The following ATP11B variants were observed in gnomAD, a reference collection of about 807,000 sequenced individuals.
ATP11B encodes the protein phospholipid-transporting ATPase IF.
Under a neutral mutation model 157.8 loss-of-function variants are expected in ATP11B, and 81 were observed. That is an observed-to-expected ratio of 0.51 (90% CI 0.43 to 0.62). The LOEUF is 0.62. Among genes scored for constraint, ATP11B ranks in the 20% least tolerant of loss-of-function variants. The probability of loss-of-function intolerance (pLI) is 0.00; values close to 1 mark genes in which losing one functional copy is unlikely to be tolerated. For synonymous variants in ATP11B, 451 were observed against 469.4 expected (o/e 0.96, Z 0.51); for missense variants, 1,165 against 1,402.2 (o/e 0.83, Z 2.70).
intron 24 of ATP11B, 120 bp from the exon 25 acceptor site, chr3:182,889,290 T>C: frequency 1.4e-6 from 1 of 723,448 alleles, no homozygotes; most frequent in Non-Finnish European, 2.1e-6. Context: ...GTGCTAATAT[T>C]TTCAAGCAAT....
At chr3:182,903,719 GT>G (rs1349465223) in intron 28 of ATP11B, among the ~76,000 whole-genome samples, 3 of 152,132 alleles carry the variant, frequency 2.0e-5, no homozygotes, top group African/African-American at 7.2e-5. Context: ...CCAAATATGT[GT>G]ATCACAATTT....
intron 28 of ATP11B, among the ~76,000 whole-genome samples, chr3:182,911,899 G>A (rs536893976): frequency 4.6e-5 from 7 of 152,316 alleles, no homozygotes; most frequent in South Asian, 2.1e-4. Flanking sequence ...TAAGCTGAAC[G>A]CTGATGTAGG....
intron 28 of ATP11B, among the ~76,000 whole-genome samples, chr3:182,912,985 A>G (rs1025120741): frequency 6.6e-6 from 1 of 152,212 alleles, no homozygotes; most frequent in African/African-American, 2.4e-5. Flanking sequence ...TCATCGAGCT[A>G]CGTGGTCATA....
intron 1 of ATP11B, among the ~76,000 whole-genome samples, chr3:182,804,240 T>C (rs1716182397): frequency 6.6e-6 from 1 of 151,112 alleles, no homozygotes; most frequent in African/African-American, 2.4e-5. Context: ...TTAGATTTCT[T>C]TTTTTTTTCT....
At chr3:182,867,648 A>G (rs552296830) in intron 15 of ATP11B, among the ~76,000 whole-genome samples, 16 of 146,382 alleles carry the variant, frequency 1.1e-4, no homozygotes, top group Non-Finnish European at 2.1e-4. Flanking sequence ...CAGTGGCACA[A>G]TCTTGGCTCA....
At chr3:182,831,440 C>G (rs1718132635) in intron 4 of ATP11B, among the ~76,000 whole-genome samples, 1 of 152,144 alleles carries the variant, frequency 6.6e-6, no homozygotes, top group Non-Finnish European at 1.5e-5. Flanking sequence ...AAAATCAGAT[C>G]ACACTACCCT....
At chr3:182,814,875 A>C (rs1328627260) in intron 1 of ATP11B, among the ~76,000 whole-genome samples, 1 of 152,166 alleles carries the variant, frequency 6.6e-6, no homozygotes, top group Admixed American at 6.5e-5. Flanking sequence ...AGTGTAATGA[A>C]ATCTATACTG....
chr3:182,847,287 C>T (rs1279759900), intron 9 of ATP11B, among the ~76,000 whole-genome samples: 1 of 152,178 alleles, frequency 6.6e-6, no homozygotes, highest in Non-Finnish European at 1.5e-5. Flanking sequence ...GATCCACCTG[C>T]CTTGGCCTCC....
At position 182,920,777 on chromosome 3, in the gene ATP11B, AC is replaced by A. The variant is rs1472111564; in HGVS notation, c.*2674del. 11 of 152,378 alleles carry A rather than the reference AC, an allele frequency of 7.2e-5. No individual in the cohort carries two copies. Among genetic ancestry groups the A allele is most frequent in the African/African-American group, 2.6e-4 (11 of 41,572 alleles). 9.4% of individuals were successfully genotyped at this position (152,378 alleles called of 1,614,324 possible). On this transcript the variant is annotated 3_prime_UTR_variant, in exon 30 of 30. Transcript: ENST00000323116. ...CGGAGCAAAGTATGGGCCAGGGAGA[AC>A]TACAGCTACGAAGACCTGCTGTCGA...
chr3:182,846,074 C>G (rs776374952), intron 9 of ATP11B, among the ~76,000 whole-genome samples: 3 of 152,144 alleles, frequency 2.0e-5, no homozygotes, highest in Non-Finnish European at 2.9e-5. Context: ...TAATACAGTA[C>G]ACTCTGAGTC....
chr3:182,888,972 C>T (rs1368164326), intron 24 of ATP11B, among the ~76,000 whole-genome samples: 1 of 151,754 alleles, frequency 6.6e-6, no homozygotes, highest in Non-Finnish European at 1.5e-5. Context: ...AAGTGAGTCT[C>T]CTGCCTCAGC....
chr3:182,870,817 A>C (rs1721603032), intron 17 of ATP11B, among the ~76,000 whole-genome samples: 1 of 151,496 alleles, frequency 6.6e-6, no homozygotes, highest in South Asian at 2.1e-4. Context: ...AGTCCCAGCT[A>C]CTCGGGAGGC....
chr3:182,853,604 T>C (rs1362508776), intron 10 of ATP11B, among the ~76,000 whole-genome samples: 3 of 152,242 alleles, frequency 2.0e-5, no homozygotes, highest in African/African-American at 7.2e-5. Flanking sequence ...GGAATAAGTT[T>C]TTTTTTAACT....
chr3:182,858,042 T>TAA lies in ATP11B; in HGVS notation c.1002+14_1002+15insAA, dbSNP rs1247533978. 2 of 1,598,496 alleles carry TAA rather than the reference T, an allele frequency of 1.3e-6. No homozygotes were observed. Among genetic ancestry groups the TAA allele is most frequent in the African/African-American group, 2.7e-5 (2 of 74,676 alleles). ...AATAGCAGTAAGGTATTTTATGGTG[T>TAA]TATTGACTGTGTCATAAAGGAAACT... On this transcript the variant is annotated intron_variant, in intron 11 of 29. Coordinates refer to ENST00000323116, the MANE Select transcript of ATP11B (RefSeq NM_014616.3).
At chr3:182,863,499 C>T (rs1721006267) in intron 12 of ATP11B, among the ~76,000 whole-genome samples, 1 of 151,954 alleles carries the variant, frequency 6.6e-6, no homozygotes, top group African/African-American at 2.4e-5. Context: ...CTGATTTTCT[C>T]AGCCTCTCTT....
At chr3:182,874,112 A>C in intron 19 of ATP11B, 97 bp downstream of exon 19, 2 of 1,015,978 alleles carry the variant, frequency 2.0e-6, no homozygotes, top group South Asian at 3.3e-5. Flanking sequence ...CCTGTTTTTT[A>C]CAGCCTATCA....
At chr3:182,863,193 C>T (rs1445184719) in intron 12 of ATP11B, among the ~76,000 whole-genome samples, 3 of 151,952 alleles carry the variant, frequency 2.0e-5, no homozygotes, top group African/African-American at 4.8e-5. Context: ...CATGAGCCAC[C>T]GCGCCTGGCC....
Position 182,807,392 on chromosome 3 carries a change from A to C in ATP11B, c.28-12868A>C, listed in dbSNP as rs146925615. ...TTCTAGTCCAGCCATGGCCATTCTC[A>C]AGGTGAAATATATTTTATTAGTTAG... On this transcript the variant is annotated intron_variant, in intron 1 of 29. Coordinates refer to ENST00000323116, the MANE Select transcript of ATP11B (RefSeq NM_014616.3). Among the ~76,000 whole-genome samples, 836 of 152,320 alleles carry C rather than the reference A, an allele frequency of 5.5e-3. 9 individuals carry two copies. Among genetic ancestry groups the C allele is most frequent in the African/African-American group, 0.019 (790 of 41,578 alleles).
intron 19 of ATP11B, among the ~76,000 whole-genome samples, chr3:182,874,248 CATTT>C (rs1307690210): frequency 1.3e-5 from 2 of 152,202 alleles, no homozygotes; most frequent in African/African-American, 2.4e-5. Context: ...CAATCACATT[CATTT>C]GTTTACATAT....
Sources: gnomAD v4.1 joint callset for allele counts (sites outside exome capture counted in the v4.1 genomes callset) on GRCh38, gnomAD v4.1.1 for gene constraint, MANE v1.5 for transcripts, NCBI Gene and HGNC (gene_info 2026-07-23, HGNC 2026-07-21) for gene names.